Variants in LIN28B observed in about 807,000 individuals in gnomAD.
LIN28B encodes lin-28 RNA binding posttranscriptional regulator B, also known as protein lin-28 homolog B.
Under a neutral mutation model 21.9 loss-of-function variants are expected in LIN28B, and 5 were observed. That is an observed-to-expected ratio of 0.23 (90% CI 0.12 to 0.48). The LOEUF (loss-of-function observed/expected upper bound fraction) is 0.48. Ranked by LOEUF, LIN28B falls within the 20% of genes least tolerant of loss-of-function variation. The probability of loss-of-function intolerance (pLI) is 0.98; values close to 1 mark genes in which losing one functional copy is unlikely to be tolerated. For synonymous variants in LIN28B, 109 were observed against 111.3 expected (o/e 0.98, Z 0.13); for missense variants, 245 against 310.5 (o/e 0.79, Z 1.58).
intron 2 of LIN28B, among the ~76,000 whole-genome samples, chr6:104,972,384 A>G (rs1483765137): frequency 1.3e-5 from 2 of 152,208 alleles, no homozygotes; most frequent in Non-Finnish European, 2.9e-5. Context: ...AAAATTTGGT[A>G]TTAATTAATA....
At chr6:105,052,853 A>AT (rs1475740030) in intron 3 of LIN28B, among the ~76,000 whole-genome samples, 4 of 151,784 alleles carry the variant, frequency 2.6e-5, no homozygotes, top group Admixed American at 6.6e-5. Context: ...GGCTTTGTTA[A>AT]TTTTTTTATA....
chr6:104,957,463 C>G (rs1275627536), intron 1 of LIN28B, among the ~76,000 whole-genome samples: 3 of 151,640 alleles, frequency 2.0e-5, no homozygotes, highest in African/African-American at 7.3e-5. Flanking sequence ...ACCGCCCACA[C>G]TGATTCACAA....
chr6:104,963,064 T>G (rs1769782663), intron 2 of LIN28B, among the ~76,000 whole-genome samples: 1 of 152,212 alleles, frequency 6.6e-6, no homozygotes, highest in South Asian at 2.1e-4. Context: ...AATTTTTTTC[T>G]TGAGACAGTA....
intron 3 of LIN28B, among the ~76,000 whole-genome samples, chr6:105,054,928 A>C (rs1310607128): frequency 2.0e-5 from 3 of 152,098 alleles, no homozygotes; most frequent in African/African-American, 7.2e-5. Flanking sequence ...TAATTTTTAA[A>C]AGGTATTTTT....
In LIN28B at chr6:105,010,202, A is replaced by AC. The variant is rs1489758101; in HGVS notation, c.199-16096_199-16095insC. On this transcript the variant is annotated intron_variant, in intron 2 of 3. Coordinates refer to ENST00000345080, the MANE Select transcript of LIN28B (RefSeq NM_001004317.4). Reference sequence around the variant, plus strand: ...GAAACCCCGTGTCTACAAAAAAAAAAACACACAAAAATTAGCAGGACATGG... The same window carrying AC: ...GAAACCCCGTGTCTACAAAAAAAAAACACACACAAAAATTAGCAGGACATGG... 1.1e-4 allele frequency among the ~76,000 whole-genome samples: 17 copies of AC among 152,068 alleles called. 1 individual carries two copies. The South Asian group carries it at 2.7e-3, about 24-fold the overall frequency.
chr6:104,982,381 A>G (rs1204782010), intron 2 of LIN28B, among the ~76,000 whole-genome samples: 5 of 152,156 alleles, frequency 3.3e-5, no homozygotes, highest in South Asian at 2.1e-4. Flanking sequence ...AGATTGAATG[A>G]CAGTTAATGC....
At chr6:105,076,231 T>C (rs888535521) in intron 3 of LIN28B, among the ~76,000 whole-genome samples, 3 of 152,204 alleles carry the variant, frequency 2.0e-5, no homozygotes, top group African/African-American at 7.2e-5. Context: ...ATTTCTTGTT[T>C]TTTTTTCTCT....
rs576525844 is a variant in LIN28B at position 105,037,772 on chromosome 6, A to G, written c.383+11290A>G. Among the ~76,000 whole-genome samples the G allele has an allele frequency of 3.2e-4, 48 of 152,134 alleles. 1 individual carries two copies. In the South Asian group the frequency reaches 9.8e-3, roughly 31 times the overall value. ...GTGATCCGCCTGCCTCGGCCTCCCA[A>G]AGTGCTGGGATTACAGACGTGAGCT... On this transcript the variant is annotated intron_variant, in intron 3 of 3. Coordinates refer to ENST00000345080, the MANE Select transcript of LIN28B (RefSeq NM_001004317.4).
At chr6:105,064,885 C>T (rs1245405132) in intron 3 of LIN28B, among the ~76,000 whole-genome samples, 3 of 152,170 alleles carry the variant, frequency 2.0e-5, no homozygotes, top group Non-Finnish European at 4.4e-5. Context: ...GAAAACTCAT[C>T]ATTCAAATAC....
At chr6:105,010,024 A>G (rs1770890110) in intron 2 of LIN28B, among the ~76,000 whole-genome samples, 1 of 152,116 alleles carries the variant, frequency 6.6e-6, no homozygotes, top group African/African-American at 2.4e-5. Flanking sequence ...TCAGATTGTC[A>G]GTCACTTGAA....
At chr6:104,947,770 CTT>C (rs59977710) in intron 2 of LIN28B, among the ~76,000 whole-genome samples, 135 of 135,134 alleles carry the variant, frequency 1.0e-3, no homozygotes, top group South Asian at 2.9e-3. Flanking sequence ...ATTTTGCGTA[CTT>C]TTTTTTTTTT....
intron 2 of LIN28B, among the ~76,000 whole-genome samples, chr6:105,015,081 A>AT (rs34634155): frequency 6.6e-6 from 1 of 152,038 alleles, no homozygotes. Flanking sequence ...TCTTAAATGA[A>AT]TTTTTCCCCC....
chr6:104,980,825 T>C (rs1020023352), intron 2 of LIN28B, among the ~76,000 whole-genome samples: 1 of 152,180 alleles, frequency 6.6e-6, no homozygotes, highest in Non-Finnish European at 1.5e-5. Flanking sequence ...GCTGTTCTAC[T>C]CATTTTATCA....
rs192719946 is a variant in LIN28B, at chr6:105,001,126, C to G, written c.199-25172C>G. The stretch of plus-strand genomic sequence containing the variant: ...ATATGCAGATAGTAAACAAGAAGAT[C>G]TTCTAGGTTGATCAGATGCCCTTTC... On this transcript the variant is annotated intron_variant, in intron 2 of 3. Transcript: ENST00000345080. Among the ~76,000 whole-genome samples the G allele has an allele frequency of 4.1e-4, 63 of 152,262 alleles. 2 individuals are homozygous for G. The South Asian group carries it at 8.1e-3, about 20-fold the overall frequency.
chr6:105,040,213 G>T (rs1771604802), intron 3 of LIN28B, among the ~76,000 whole-genome samples: 1 of 152,056 alleles, frequency 6.6e-6, no homozygotes, highest in Non-Finnish European at 1.5e-5. Context: ...TTACATTCCT[G>T]TGTGGAAGTG....
At chr6:105,037,376 G>T (rs866559223) in intron 3 of LIN28B, among the ~76,000 whole-genome samples, 5 of 152,210 alleles carry the variant, frequency 3.3e-5, no homozygotes, top group Admixed American at 6.5e-5. Flanking sequence ...CTTATATAAA[G>T]ATTCTTCCAA....
At chr6:105,073,928 G>A (rs1772377372) in intron 3 of LIN28B, among the ~76,000 whole-genome samples, 1 of 152,026 alleles carries the variant, frequency 6.6e-6, no homozygotes, top group South Asian at 2.1e-4. Flanking sequence ...CAGTTGTTTG[G>A]ATCAAAAAAT....
At chr6:105,028,641 TGGG>T (rs1771354545) in intron 3 of LIN28B, among the ~76,000 whole-genome samples, 4 of 152,286 alleles carry the variant, frequency 2.6e-5, no homozygotes, top group Non-Finnish European at 4.4e-5. Flanking sequence ...TTTATCAAGA[TGGG>T]GAAACCTACA....
At chr6:104,966,619 A>AT (rs538140992) in intron 2 of LIN28B, among the ~76,000 whole-genome samples, 3,421 of 122,798 alleles carry the variant, frequency 0.028, 107 homozygotes, top group African/African-American at 0.06. Flanking sequence ...TGCCCGGCTG[A>AT]TTTTTTTTTT....
Sources: allele counts gnomAD v4.1 joint callset (sites outside exome capture counted in the v4.1 genomes callset), GRCh38; gene constraint gnomAD v4.1.1; transcripts MANE v1.5; gene names NCBI Gene and HGNC (gene_info 2026-07-23, HGNC 2026-07-21).